The following ANKRD13C variants were observed in gnomAD, a reference collection of about 807,000 sequenced individuals.
ANKRD13C encodes ankyrin repeat domain 13C.
Under a neutral mutation model 65.5 loss-of-function variants are expected in ANKRD13C, and 16 were observed. That is an observed-to-expected ratio of 0.24 (90% CI 0.17 to 0.37). The LOEUF (loss-of-function observed/expected upper bound fraction) is 0.37. Among genes scored for constraint, ANKRD13C ranks in the 10% least tolerant of loss-of-function variants. The probability of loss-of-function intolerance (pLI) is 1.00; values close to 1 mark genes in which losing one functional copy is unlikely to be tolerated. For synonymous variants in ANKRD13C, 235 were observed against 238.7 expected, an observed-to-expected ratio of 0.98 and a Z score of 0.14; for missense variants, 503 against 655.9, an observed-to-expected ratio of 0.77 and a Z score of 2.55.
intron 2 of ANKRD13C, among the ~76,000 whole-genome samples, chr1:70,328,871 A>G (rs1681662549): frequency 6.6e-6 from 1 of 152,238 alleles, no homozygotes; most frequent in South Asian, 2.1e-4. Flanking sequence ...TTTTAAAAAG[A>G]ATAAAAACAA....
At position 70,292,461 on chromosome 1, in the gene ANKRD13C, T is replaced by C; in HGVS notation, c.1142A>G (p.Glu381Gly). 1.2e-6 allele frequency: 2 copies of C among 1,609,928 alleles called. No individual in the cohort carries two copies. The highest frequency in any genetic ancestry group is 1.7e-6 in the Non-Finnish European group (2 of 1,178,542). Reference protein sequence around the residue: ...SRKRREHLSEEDILRNKAIME... With the variant: ...SRKRREHLSEGDILRNKAIME... ...GATGGCCTTATTTCGAAGAATATCC[T>C]CTTCACTGAGATGTTCTCTTCTTTT... Residue 381 changes from glutamate to glycine, a missense_variant, in exon 9 of 13, where the codon GAG becomes GGG. Around this residue, in one of 2 missense-constraint regions of ANKRD13C, gnomAD observed 300 missense variants for 478.3 expected, o/e 0.63. Transcript: ENST00000370944.
intron 5 of ANKRD13C, among the ~76,000 whole-genome samples, chr1:70,308,738 CAA>C (rs781171233): frequency 9.4e-5 from 7 of 74,158 alleles, no homozygotes; most frequent in Non-Finnish European, 8.5e-5. Context: ...GACTCCGTCT[CAA>C]AAAAAAAAAA....
intron 3 of ANKRD13C, among the ~76,000 whole-genome samples, chr1:70,324,404 A>C (rs578136665): frequency 6.6e-6 from 1 of 152,350 alleles, no homozygotes; most frequent in East Asian, 1.9e-4. Context: ...ATACTCTTTT[A>C]ATGACTAAAA....
intron 12 of ANKRD13C, among the ~76,000 whole-genome samples, chr1:70,266,069 T>C (rs974393364): frequency 6.6e-6 from 1 of 152,120 alleles, no homozygotes; most frequent in African/African-American, 2.4e-5. Context: ...ATGATGAATA[T>C]TTCCATAACC....
intron 5 of ANKRD13C, among the ~76,000 whole-genome samples, chr1:70,308,113 A>G (rs1324628406): frequency 6.6e-6 from 1 of 152,172 alleles, no homozygotes; most frequent in African/African-American, 2.4e-5. Context: ...GATGATTAAA[A>G]GTAGATAGCA....
chr1:70,287,714 A>G (rs1420458380), intron 9 of ANKRD13C, among the ~76,000 whole-genome samples: 2 of 152,158 alleles, frequency 1.3e-5, no homozygotes, highest in Non-Finnish European at 2.9e-5. Flanking sequence ...TAGAAAATAT[A>G]AAGAACTTTG....
intron 10 of ANKRD13C, among the ~76,000 whole-genome samples, chr1:70,276,216 T>C (rs987969575): frequency 2.0e-5 from 3 of 152,134 alleles, no homozygotes; most frequent in Non-Finnish European, 4.4e-5. Flanking sequence ...TCAATAAATA[T>C]AAACTGAGTA....
intron 2 of ANKRD13C, among the ~76,000 whole-genome samples, chr1:70,325,402 T>C (rs1347087444): frequency 6.6e-6 from 1 of 152,208 alleles, no homozygotes; most frequent in Non-Finnish European, 1.5e-5. Context: ...TAAGAGTCAG[T>C]AATGTTTCCA....
chr1:70,317,148 A>G (rs1433275834), intron 3 of ANKRD13C, among the ~76,000 whole-genome samples: 1 of 152,122 alleles, frequency 6.6e-6, no homozygotes, highest in Non-Finnish European at 1.5e-5. Flanking sequence ...ATTTTTAACC[A>G]CAGGTCTAAC....
intron 1 of ANKRD13C, 32 bp downstream of exon 1, chr1:70,353,947 G>C: frequency 6.7e-7 from 1 of 1,488,248 alleles, no homozygotes; most frequent in Non-Finnish European, 9.0e-7. Context: ...CTCGGGGAAG[G>C]AGAGAGGTGG....
intron 1 of ANKRD13C, among the ~76,000 whole-genome samples, chr1:70,338,105 A>C (rs1305579670): frequency 5.3e-5 from 8 of 152,146 alleles, no homozygotes; most frequent in African/African-American, 1.9e-4. Flanking sequence ...GTCTCACAAA[A>C]AAAAAAGAAA....
chr1:70,283,023 C>A (rs1572049203), intron 9 of ANKRD13C, among the ~76,000 whole-genome samples: 2 of 152,242 alleles, frequency 1.3e-5, no homozygotes, highest in African/African-American at 4.8e-5. Flanking sequence ...ATACATTCCC[C>A]ATCTTAGTAA....
At position 70,297,286 on chromosome 1, in the gene ANKRD13C, G is replaced by GGTTTTTTTTTTTTTTTTTTTTT. The variant is rs1558281019; in HGVS notation, c.922-1026_922-1025insAAAAAAAAAAAAAAAAAAAAAC. Among the ~76,000 whole-genome samples the GGTTTTTTTTTTTTTTTTTTTTT allele has an allele frequency of 4.8e-5, 6 of 125,116 alleles. 1 individual carries two copies. Among genetic ancestry groups the GGTTTTTTTTTTTTTTTTTTTTT allele is most frequent in the African/African-American group, 1.2e-4 (4 of 33,438 alleles). 82.1% of individuals were successfully genotyped at this position (125,116 alleles called of 152,430 possible). The stretch of plus-strand genomic sequence containing the variant: ...TTTAACCTACATAGAGTCCCTTTCT[G>GGTTTTTTTTTTTTTTTTTTTTT]ATTTTTTTTTTTTTTTTTTTTTTTT... On this transcript the variant is annotated intron_variant, in intron 7 of 12. Transcript: ENST00000370944.
At chr1:70,343,674 A>G (rs1682406636) in intron 1 of ANKRD13C, among the ~76,000 whole-genome samples, 1 of 152,116 alleles carries the variant, frequency 6.6e-6, no homozygotes, top group South Asian at 2.1e-4. Context: ...CTGGGATTAT[A>G]GGCGTGCACC....
chr1:70,274,668 T>G, intron 11 of ANKRD13C, 52 bp downstream of exon 11: 1 of 1,343,408 alleles, frequency 7.4e-7, no homozygotes, highest in Non-Finnish European at 1.1e-6. Context: ...ATTACAGCCT[T>G]TAGGGTTTAA....
intron 6 of ANKRD13C, among the ~76,000 whole-genome samples, chr1:70,304,200 C>A (rs1261600996): frequency 1.3e-5 from 2 of 151,962 alleles, no homozygotes; most frequent in Non-Finnish European, 2.9e-5. Context: ...TGCCACCATG[C>A]CCAGCTAATT....
chr1:70,346,212 T>C (rs910617825), intron 1 of ANKRD13C, among the ~76,000 whole-genome samples: 2 of 152,134 alleles, frequency 1.3e-5, no homozygotes, highest in Non-Finnish European at 2.9e-5. Flanking sequence ...ATCCCAATTA[T>C]GTCACAAATA....
chr1:70,354,084 T>C lies in ANKRD13C; in HGVS notation c.325A>G (p.Ser109Gly). ...NPVAVVADGGSCPAHYPVHEC... is the reference protein window; with the variant it reads ...NPVAVVADGGGCPAHYPVHEC... ...TGCACCGGGTAGTGTGCGGGGCAAC[T>C]GCCTCCATCCGCGACGACAGCAACG... is the stretch of plus-strand genomic sequence containing the variant. Residue 109 changes from serine (S) to glycine (G), a missense_variant, in exon 1 of 13, where the codon AGT becomes GGT. Around this residue, in one of 2 missense-constraint regions of ANKRD13C, gnomAD observed 203 missense variants for 177.6 expected, o/e 1.14. Transcript: ENST00000370944. The C allele has an allele frequency of 6.2e-7, 1 of 1,611,700 alleles. No homozygotes were observed. Among genetic ancestry groups the C allele is most frequent in the Non-Finnish European group, 8.5e-7 (1 of 1,178,474 alleles).
intron 1 of ANKRD13C, among the ~76,000 whole-genome samples, chr1:70,353,571 G>C (rs1682848212): frequency 6.6e-6 from 1 of 152,188 alleles, no homozygotes; most frequent in East Asian, 1.9e-4. Context: ...GAGCAATGAA[G>C]GGAGGAGGGC....
Sources: gnomAD v4.1 joint callset for allele counts (sites outside exome capture counted in the v4.1 genomes callset) on GRCh38, gnomAD v4.1.1 for gene constraint, gnomAD v4.1.1 regional missense constraint, MANE v1.5 for transcripts, NCBI Gene and HGNC (gene_info 2026-07-23, HGNC 2026-07-21) for gene names.